TARDBP: variants seen among roughly 807,000 people sequenced by gnomAD.
TARDBP encodes the protein TAR DNA binding protein.
In TARDBP, 4 loss-of-function variants were observed where a neutral mutation model predicts 38.3. The ratio of observed to expected loss-of-function variants is 0.10; its 90% CI spans 0.05 to 0.24. The LOEUF (loss-of-function observed/expected upper bound fraction) is 0.24, where lower values mean the gene tolerates loss of function less well. Among genes scored for constraint, TARDBP ranks in the 10% least tolerant of loss-of-function variants. The probability of loss-of-function intolerance (pLI) is 1.00; values close to 1 mark genes in which losing one functional copy is unlikely to be tolerated. For synonymous variants in TARDBP, 184 were observed against 183.8 expected, an observed-to-expected ratio of 1.00 and a Z score of -0.01; for missense variants, 202 against 521.9, an observed-to-expected ratio of 0.39 and a Z score of 5.97.
chr1:11,027,726 A>G, downstream of TARDBP: 1 of 1,473,498 alleles, frequency 6.8e-7, no homozygotes, highest in Non-Finnish European at 9.1e-7. Context: ...ACCGCCTTGA[A>G]GTATATATTT....
intron 4 of TARDBP, chr1:11,019,251 T>C (rs1344550529): frequency 6.3e-6 from 2 of 319,184 alleles, no homozygotes; most frequent in Non-Finnish European, 1.2e-5. Context: ...ATTGGCTTAT[T>C]TGGAACATCA....
At chr1:11,028,186 A>T (rs968764652), downstream of TARDBP, among the ~76,000 whole-genome samples, 2 of 151,820 alleles carry the variant, frequency 1.3e-5, no homozygotes, top group African/African-American at 4.8e-5. Flanking sequence ...ACACCACTGC[A>T]CTCTAGCCTG....
chr1:11,030,161 A>G, downstream of TARDBP: 1 of 1,591,984 alleles, frequency 6.3e-7, no homozygotes, highest in Non-Finnish European at 8.6e-7. Flanking sequence ...TCTCTTGTAT[A>G]AATGTATCCA....
chr1:11,017,024 TCAAA>T lies in TARDBP; in HGVS notation c.402+20_402+23del, dbSNP rs762761082. 19 of 1,613,514 alleles carry T rather than the reference TCAAA, an allele frequency of 1.2e-5. No homozygotes were observed. The South Asian group carries it at 1.9e-4, about 16-fold the overall frequency. On this transcript the variant is annotated intron_variant, in intron 3 of 5. Transcript: ENST00000240185. ...ATGGTGCAGGTAAACTTCGATTGCA[TCAAA>T]CAGTTTTTCTTTACCAGTGAATGAG...
downstream of TARDBP, among the ~76,000 whole-genome samples, chr1:11,028,883 T>C (rs1643790999): frequency 6.6e-6 from 1 of 150,528 alleles, no homozygotes; most frequent in Non-Finnish European, 1.5e-5. Flanking sequence ...CTGGCTAATT[T>C]TTTGTATTTT....
chr1:11,022,495 G>C lies in TARDBP; in HGVS notation c.1086G>C (p.Glu362Asp), dbSNP rs1199373574. 1 of 1,601,610 alleles carries C rather than the reference G, an allele frequency of 6.2e-7. No individual in the cohort carries two copies. Among genetic ancestry groups the C allele is most frequent in the Admixed American group, 1.7e-5 (1 of 59,000 alleles). ...AAAACCAAGGCAACATGCAGAGGGA[G>C]CCAAACCAGGCCTTCGGTTCTGGAA... is the stretch of plus-strand genomic sequence containing the variant. Reference protein sequence around the residue: ...NNQNQGNMQREPNQAFGSGNN... With the variant: ...NNQNQGNMQRDPNQAFGSGNN... Residue 362 changes from glutamate (E) to aspartate (D), a missense_variant, in exon 6 of 6, where the codon GAG becomes GAC. Physicochemically the swap from Glu to Asp is conservative, Grantham distance 45. This residue lies in a region of TARDBP where 107 missense variants were observed against 190.5 expected (regional missense o/e 0.56). Coordinates refer to ENST00000240185, the MANE Select transcript of TARDBP (RefSeq NM_007375.4). The surrounding 1 kb of genome is among the most constrained non-coding windows in gnomAD (Gnocchi z 4.5).
At chr1:11,030,363 G>T, downstream of TARDBP, 1 of 715,288 alleles carries the variant, frequency 1.4e-6, no homozygotes, top group Non-Finnish European at 2.4e-6. Flanking sequence ...GGACATAGAG[G>T]TGTCTGAAGA....
intron 1 of TARDBP, 129 bp from the exon 2 acceptor site, chr1:11,013,587 A>C: frequency 1.3e-6 from 1 of 745,254 alleles, no homozygotes; most frequent in Non-Finnish European, 2.3e-6. Context: ...AGGGATAACC[A>C]ATGCATATAC....
At chr1:11,027,231 C>T, downstream of TARDBP, 1 of 1,614,216 alleles carries the variant, frequency 6.2e-7, no homozygotes, top group Non-Finnish European at 8.5e-7. Flanking sequence ...TAATCCCCAT[C>T]CAGATGCAGT....
chr1:11,013,475 C>A (rs182627551), intron 1 of TARDBP, among the ~76,000 whole-genome samples: 9 of 152,336 alleles, frequency 5.9e-5, no homozygotes, highest in Admixed American at 2.6e-4. Context: ...CAGTACCTGA[C>A]GCATCATAAG....
chr1:11,028,706 CTTTTTTTTT>C (rs1184236433), downstream of TARDBP, among the ~76,000 whole-genome samples: 1 of 12,066 alleles, frequency 8.3e-5, no homozygotes, highest in Non-Finnish European at 2.3e-4. Flanking sequence ...GGTTTTTTTT[CTTTTTTTTT>C]TTTTTTTTTT....
At position 11,020,609 on chromosome 1, in the gene TARDBP, T is replaced by C. The variant is rs1643617016; in HGVS notation, c.714+10T>C. ...ATTTGCAGATGATCAGGTATTTTTC[T>C]CCTTAACGATATGTCCCGGCCGGGC... is the stretch of plus-strand genomic sequence containing the variant. On this transcript the variant is annotated intron_variant, in intron 5 of 5. Transcript: ENST00000240185. The C allele has an allele frequency of 6.2e-7, 1 of 1,613,630 alleles. No individual in the cohort carries two copies. Among genetic ancestry groups the C allele is most frequent in the African/African-American group, 1.3e-5 (1 of 74,924 alleles).
At chr1:11,018,027 T>C (rs1435710298) in intron 3 of TARDBP, among the ~76,000 whole-genome samples, 1 of 151,890 alleles carries the variant, frequency 6.6e-6, no homozygotes. Context: ...GGACTACAGG[T>C]GCCTGCCACC....
intron 1 of TARDBP, 92 bp from the exon 2 acceptor site, chr1:11,013,624 G>A: frequency 1.8e-6 from 2 of 1,107,072 alleles, no homozygotes; most frequent in East Asian, 2.6e-5. Flanking sequence ...TTTTCTGGAA[G>A]TCAGAACTCT....
downstream of TARDBP, among the ~76,000 whole-genome samples, chr1:11,028,759 G>T (rs1318553289): frequency 6.8e-6 from 1 of 147,606 alleles, no homozygotes; most frequent in Non-Finnish European, 1.5e-5. Context: ...TGTCACCCAG[G>T]TTGGAGTGCA....
chr1:11,020,633 G>C, intron 5 of TARDBP, 34 bp downstream of exon 5: 2 of 1,599,290 alleles, frequency 1.3e-6, no homozygotes, highest in South Asian at 2.2e-5. Flanking sequence ...TCCCGGCCGG[G>C]CGTGGTGGCT....
rs1445219197 is a variant in TARDBP at position 11,022,150 on chromosome 1, C to T, written c.741C>T (p.Asp247=). The T allele has an allele frequency of 6.2e-7, 1 of 1,613,836 alleles. No individual in the cohort carries two copies. The highest frequency in any genetic ancestry group is 8.5e-7 in the Non-Finnish European group (1 of 1,179,872). The change falls in exon 6 of 6, where the codon GAC becomes GAT. Residue 247 remains aspartate (D), a synonymous_variant. Coordinates refer to ENST00000240185, the MANE Select transcript of TARDBP (RefSeq NM_007375.4). The surrounding 1 kb of genome is among the most constrained non-coding windows in gnomAD (Gnocchi z 4.5). ...TTGCGCAGTCTCTTTGTGGAGAGGACTTGATCATTAAAGGAATCAGCGTTC... is the reference window on the plus strand; with the variant it reads ...TTGCGCAGTCTCTTTGTGGAGAGGATTTGATCATTAAAGGAATCAGCGTTC... ...DQIAQSLCGE[D]LIIKGISVHI...
Position 11,023,614 on chromosome 1 carries a change from G to A in TARDBP, c.*960G>A. 3.4e-6 allele frequency: 1 copy of A among 291,710 alleles called. No individual in the cohort carries two copies. The highest frequency in any genetic ancestry group is 6.3e-6 in the Non-Finnish European group (1 of 157,486). 18.1% of individuals were successfully genotyped at this position (291,710 alleles called of 1,614,324 possible). A position where few individuals can be genotyped will look rare whatever the true frequency, so the allele number is the denominator to read the frequency against. On this transcript the variant is annotated 3_prime_UTR_variant, in exon 6 of 6. Coordinates refer to ENST00000240185, the MANE Select transcript of TARDBP (RefSeq NM_007375.4). Reference sequence around the variant, plus strand: ...GCAGAGAGCAATGATAGCAAATAATGTACGAATGTTTTTTGCATTCAAAGG... The same window carrying A: ...GCAGAGAGCAATGATAGCAAATAATATACGAATGTTTTTTGCATTCAAAGG...
In TARDBP at chr1:11,020,217, C is replaced by G. The variant is rs576657702; in HGVS notation, c.544-212C>G. 1.3e-3 allele frequency among the ~76,000 whole-genome samples: 198 copies of G among 152,276 alleles called. 1 individual carries two copies. The highest frequency in any genetic ancestry group is 2.4e-3 in the Non-Finnish European group (161 of 68,014). ...TATTTATATCCATCATTATGTGATG[C>G]ATGACTGTGTACTTTTGTAACTTAA... On this transcript the variant is annotated intron_variant, in intron 4 of 5. Transcript: ENST00000240185.
Sources: gnomAD v4.1 joint callset for allele counts (sites outside exome capture counted in the v4.1 genomes callset) on GRCh38, gnomAD v4.1.1 for gene constraint, gnomAD v4.1.1 regional missense constraint, Gnocchi (gnomAD v3.1) non-coding constraint, MANE v1.5 for transcripts, NCBI Gene and HGNC (gene_info 2026-07-23, HGNC 2026-07-21) for gene names.